EYS: variants seen among roughly 807,000 people sequenced by gnomAD.
The protein encoded by EYS is protein eyes shut homolog.
In EYS, 250 loss-of-function variants were observed where a neutral mutation model predicts 282.1. That is an observed-to-expected ratio of 0.89 (90% CI 0.80 to 0.98). The LOEUF (loss-of-function observed/expected upper bound fraction) is 0.98, where lower values mean the gene tolerates loss of function less well. EYS is among the 50% of genes least tolerant of loss of function. The probability of loss-of-function intolerance (pLI) is 0.00; values close to 1 mark genes in which losing one functional copy is unlikely to be tolerated. For missense variants in EYS, 4,016 were observed against 3,709.0 expected (o/e 1.08, Z -2.15); for synonymous variants, 1,355 against 1,282.9 (o/e 1.06, Z -1.20).
intron 35 of EYS, among the ~76,000 whole-genome samples, chr6:63,880,525 A>ATCTATCTATCTATCTATCTG (rs1371469990): frequency 2.0e-5 from 3 of 151,712 alleles, no homozygotes; most frequent in African/African-American, 7.3e-5. Context: ...CTATCTATCT[A>ATCTATCTATCTATCTATCTG]TCTATTCTGT....
At chr6:64,477,632 C>G (rs1776314687) in intron 26 of EYS, among the ~76,000 whole-genome samples, 1 of 152,046 alleles carries the variant, frequency 6.6e-6, no homozygotes, top group South Asian at 2.1e-4. Flanking sequence ...CAATCTTCTG[C>G]TTATAATTTA....
At chr6:65,429,456 AC>A (rs1476733794) in intron 5 of EYS, among the ~76,000 whole-genome samples, 2 of 152,198 alleles carry the variant, frequency 1.3e-5, no homozygotes, top group East Asian at 3.8e-4. Flanking sequence ...CTAAATACTA[AC>A]AGCTTCATTT....
chr6:64,750,355 A>C (rs1772703627), intron 22 of EYS, among the ~76,000 whole-genome samples: 1 of 151,944 alleles, frequency 6.6e-6, no homozygotes, highest in Admixed American at 6.6e-5. Flanking sequence ...ATGAAAAAAG[A>C]TAAAACCATG....
intron 29 of EYS, among the ~76,000 whole-genome samples, chr6:64,347,329 T>A (rs1771447858): frequency 6.6e-6 from 1 of 151,470 alleles, no homozygotes; most frequent in Admixed American, 6.6e-5. Context: ...GAAATTATTA[T>A]TAATCCTTAG....
chr6:64,334,534 C>T (rs1396970351), intron 29 of EYS, among the ~76,000 whole-genome samples: 2 of 152,060 alleles, frequency 1.3e-5, no homozygotes, highest in Non-Finnish European at 2.9e-5. Context: ...CAGCTGGGCA[C>T]AAGATGGGTC....
At chr6:64,997,457 G>C in intron 14 of EYS, 125 bp downstream of exon 14, 1 of 832,326 alleles carries the variant, frequency 1.2e-6, no homozygotes, top group Non-Finnish European at 1.7e-6. Context: ...TTCTAACCTT[G>C]AGAAGTAAGC....
At chr6:64,357,511 C>A (rs10944484) in intron 29 of EYS, among the ~76,000 whole-genome samples, 23,825 of 151,560 alleles carry the variant, frequency 0.16, 2,358 homozygotes, top group East Asian at 0.3. Flanking sequence ...TCTCAACTTT[C>A]AGACATATCT....
chr6:64,991,217 G>A (rs1771050909), intron 14 of EYS, among the ~76,000 whole-genome samples: 1 of 151,544 alleles, frequency 6.6e-6, no homozygotes, highest in South Asian at 2.1e-4. Context: ...TTAAAGGGAA[G>A]ATTGGTATAA....
At chr6:63,809,905 A>G (rs1387293258) in intron 36 of EYS, among the ~76,000 whole-genome samples, 1 of 152,044 alleles carries the variant, frequency 6.6e-6, no homozygotes, top group African/African-American at 2.4e-5. Flanking sequence ...GCCGAGAAAT[A>G]AGGCATTATT....
intron 26 of EYS, among the ~76,000 whole-genome samples, chr6:64,545,934 T>A (rs1037765299): frequency 1.3e-5 from 2 of 152,092 alleles, no homozygotes; most frequent in African/African-American, 2.4e-5. Context: ...ATCGTGAAAA[T>A]GGCCATACTG....
intron 12 of EYS, among the ~76,000 whole-genome samples, chr6:65,121,151 A>T (rs1282912232): frequency 6.6e-6 from 1 of 152,082 alleles, no homozygotes; most frequent in Non-Finnish European, 1.5e-5. Context: ...TGGTATCTGC[A>T]TGAGCAGTCA....
At chr6:64,593,018 C>A in intron 25 of EYS, 99 bp downstream of exon 25, 1 of 812,220 alleles carries the variant, frequency 1.2e-6, no homozygotes, top group Non-Finnish European at 1.7e-6. Context: ...AATCATGTAT[C>A]TCAGAAAAAA....
At chr6:65,108,803 CTG>C (rs1487471775) in intron 12 of EYS, among the ~76,000 whole-genome samples, 14 of 152,232 alleles carry the variant, frequency 9.2e-5, no homozygotes, top group African/African-American at 3.4e-4. Flanking sequence ...TTTCTCCACT[CTG>C]TTACTAAAAT....
intron 26 of EYS, among the ~76,000 whole-genome samples, chr6:64,546,226 C>A (rs1764862987): frequency 6.6e-6 from 1 of 152,126 alleles, no homozygotes; most frequent in Non-Finnish European, 1.5e-5. Context: ...CGCATATCTA[C>A]AACCATCTGA....
At chr6:63,918,581 C>T (rs567030307) in intron 35 of EYS, among the ~76,000 whole-genome samples, 2 of 152,218 alleles carry the variant, frequency 1.3e-5, no homozygotes, top group South Asian at 4.1e-4. Context: ...AGCAACTCAG[C>T]CTGGTCATGC....
intron 5 of EYS, among the ~76,000 whole-genome samples, chr6:65,425,475 C>T (rs962466653): frequency 6.6e-6 from 1 of 151,990 alleles, no homozygotes; most frequent in South Asian, 2.1e-4. Context: ...TGCAAAGAGG[C>T]TGAGTAGGTA....
chr6:64,749,736 C>T (rs1772679275), intron 22 of EYS, among the ~76,000 whole-genome samples: 1 of 152,098 alleles, frequency 6.6e-6, no homozygotes, highest in Admixed American at 6.5e-5. Context: ...GGACTAGAAA[C>T]TATGAACAGG....
intron 13 of EYS, among the ~76,000 whole-genome samples, chr6:65,033,883 C>T (rs1290768677): frequency 6.6e-6 from 1 of 152,122 alleles, no homozygotes; most frequent in Non-Finnish European, 1.5e-5. Flanking sequence ...CAGCTTGCAC[C>T]CTGTGCCTGG....
chr6:64,612,839 T>G (rs981550846), intron 24 of EYS, among the ~76,000 whole-genome samples: 7 of 152,056 alleles, frequency 4.6e-5, no homozygotes, highest in Admixed American at 3.3e-4. Flanking sequence ...GATGACCTAA[T>G]TAGTGAAACT....
Sources: allele counts gnomAD v4.1 joint callset (sites outside exome capture counted in the v4.1 genomes callset), GRCh38; gene constraint gnomAD v4.1.1; transcripts MANE v1.5; gene names NCBI Gene and HGNC (gene_info 2026-07-23, HGNC 2026-07-21).